The following KIRREL3 variants were observed in gnomAD, a reference collection of about 807,000 sequenced individuals.
KIRREL3 encodes the protein kirre like nephrin family adhesion molecule 3, also known as kin of IRRE-like protein 3.
Under a neutral mutation model 89.7 loss-of-function variants are expected in KIRREL3, and 36 were observed. The ratio of observed to expected loss-of-function variants is 0.40; its 90% CI spans 0.31 to 0.53. KIRREL3 has a LOEUF of 0.53. Ranked by LOEUF, KIRREL3 falls within the 20% of genes least tolerant of loss-of-function variation. The pLI is 0.49. For missense variants in KIRREL3, 864 were observed against 1,056.6 expected (o/e 0.82, Z 2.53); for synonymous variants, 445 against 441.4 (o/e 1.01, Z -0.10).
chr11:126,831,710 T>C (rs146391998), intron 1 of KIRREL3, among the ~76,000 whole-genome samples: 1 of 151,628 alleles, frequency 6.6e-6, no homozygotes, highest in African/African-American at 2.4e-5. Flanking sequence ...ATTTTCTAGT[T>C]TTTTTTTGAA....
At chr11:126,951,867 C>A (rs1037414084) in intron 1 of KIRREL3, among the ~76,000 whole-genome samples, 1 of 152,132 alleles carries the variant, frequency 6.6e-6, no homozygotes, top group African/African-American at 2.4e-5. Context: ...CCTGGAAAAC[C>A]TTTCCACTTT....
At position 126,476,521 on chromosome 11, in the gene KIRREL3, C is replaced by G. The variant is rs572567185; in HGVS notation, c.434-3055G>C. ...CGTGTTGTGGGAGTGCTCAGGCACA[C>G]GCACAGCCACGCACATACATCCACC... On this transcript the variant is annotated intron_variant, in intron 4 of 16. Coordinates refer to ENST00000525144, the MANE Select transcript of KIRREL3 (RefSeq NM_032531.4). This position sits in a 1 kb window ranked among gnomAD's most constrained non-coding sequence, Gnocchi z 6.4. 4.6e-5 allele frequency among the ~76,000 whole-genome samples: 7 copies of G among 152,328 alleles called. No homozygotes were observed. In the South Asian group the frequency reaches 1.5e-3, roughly 32 times the overall value.
In KIRREL3 at chr11:126,883,783, T is replaced by G. The variant is rs183672376; in HGVS notation, c.55+116672A>C. ...TTTCTAAAAGCTACTAAAAAAATGC[T>G]TGTTTGAAATTAAAGATCCAATGTT... On this transcript the variant is annotated intron_variant, in intron 1 of 16. Transcript: ENST00000525144. The surrounding 1 kb of genome is among the most constrained non-coding windows in gnomAD (Gnocchi z 4.1). 3.3e-5 allele frequency among the ~76,000 whole-genome samples: 5 copies of G among 152,294 alleles called. No individual in the cohort carries two copies. Among genetic ancestry groups the G allele is most frequent in the Admixed American group, 2.6e-4 (4 of 15,306 alleles).
rs117115182 is a variant in KIRREL3, at chr11:126,664,455, C to T, written c.56-101543G>A. 6.6e-5 allele frequency among the ~76,000 whole-genome samples: 10 copies of T among 152,248 alleles called. No homozygotes were observed. In the East Asian group the frequency reaches 1.9e-3, roughly 29 times the overall value. ...GAAGCACCTCCTTCCTCCCACCTGC[C>T]TACTCTAAATGAAACAGCTCTGTCA... On this transcript the variant is annotated intron_variant, in intron 1 of 16. Coordinates refer to ENST00000525144, the MANE Select transcript of KIRREL3 (RefSeq NM_032531.4). The surrounding 1 kb of genome is among the most constrained non-coding windows in gnomAD (Gnocchi z 5.4).
At position 126,754,035 on chromosome 11, in the gene KIRREL3, T is replaced by C. The variant is rs912970763; in HGVS notation, c.56-191123A>G. Among the ~76,000 whole-genome samples, 1 of 152,202 alleles carries C rather than the reference T, an allele frequency of 6.6e-6. No homozygotes were observed. Among genetic ancestry groups the C allele is most frequent in the African/African-American group, 2.4e-5 (1 of 41,436 alleles). ...ACTATTTATCATTCTTAGTTAACAA[T>C]GTAAGATACATGATGGCTGCTAAAC... On this transcript the variant is annotated intron_variant, in intron 1 of 16. Coordinates refer to ENST00000525144, the MANE Select transcript of KIRREL3 (RefSeq NM_032531.4). The surrounding 1 kb of genome is among the most constrained non-coding windows in gnomAD (Gnocchi z 5.1).
intron 1 of KIRREL3, chr11:126,935,623 T>A (rs545004958): frequency 6.6e-6 from 1 of 152,268 alleles, no homozygotes; most frequent in African/African-American, 2.4e-5. Flanking sequence ...AAGAAGCCAA[T>A]CTGAAAAGGC....
At chr11:126,945,478 G>C (rs934616806) in intron 1 of KIRREL3, among the ~76,000 whole-genome samples, 1 of 152,096 alleles carries the variant, frequency 6.6e-6, no homozygotes. Flanking sequence ...TGTGGCCTGG[G>C]GCCCTTCAGT....
intron 1 of KIRREL3, among the ~76,000 whole-genome samples, chr11:126,862,681 A>G (rs1446141464): frequency 2.6e-5 from 4 of 152,108 alleles, no homozygotes; most frequent in Non-Finnish European, 5.9e-5. Context: ...CCCAGTCACT[A>G]TCGACTACTC....
chr11:126,590,589 G>T (rs1478798331), intron 1 of KIRREL3, among the ~76,000 whole-genome samples: 2 of 152,240 alleles, frequency 1.3e-5, no homozygotes, highest in South Asian at 4.1e-4. Context: ...TCAGCTAAGT[G>T]GGGGGCTGGA....
chr11:126,935,024 A>G (rs1948121282), intron 1 of KIRREL3: 1 of 149,050 alleles, frequency 6.7e-6, no homozygotes, highest in Admixed American at 6.8e-5. Context: ...TCCAGCTTCC[A>G]GCTTGGGCCA....
intron 1 of KIRREL3, among the ~76,000 whole-genome samples, chr11:126,597,130 C>T (rs994355277): frequency 4.6e-5 from 7 of 152,342 alleles, no homozygotes; most frequent in African/African-American, 7.2e-5. Flanking sequence ...TTTGGAGGGC[C>T]GTTCCCAGCA....
chr11:126,581,169 C>G (rs1272003862), intron 1 of KIRREL3, among the ~76,000 whole-genome samples: 1 of 152,050 alleles, frequency 6.6e-6, no homozygotes, highest in Non-Finnish European at 1.5e-5. Flanking sequence ...TATAATTTTG[C>G]TATAGTTAGT....
At chr11:126,604,597 G>C (rs1400758087) in intron 1 of KIRREL3, among the ~76,000 whole-genome samples, 1 of 152,226 alleles carries the variant, frequency 6.6e-6, no homozygotes, top group East Asian at 1.9e-4. Context: ...TACAGCTGGA[G>C]GGTTCTGATC....
intron 6 of KIRREL3, among the ~76,000 whole-genome samples, chr11:126,458,012 C>T (rs75638719): frequency 2.5e-3 from 380 of 151,992 alleles, no homozygotes; most frequent in Admixed American, 5.3e-3. Context: ...TCCTGGTGGC[C>T]CCCAGGCCTC....
rs73030502 is a variant in KIRREL3, at chr11:126,884,782, C to T, written c.55+115673G>A. 8.0e-3 allele frequency among the ~76,000 whole-genome samples: 1,222 copies of T among 152,154 alleles called. 10 individuals carry two copies. Among genetic ancestry groups the T allele is most frequent in the Admixed American group, 0.012 (191 of 15,296 alleles). The stretch of plus-strand genomic sequence containing the variant: ...TCTCAGAAGCAATGATGTCATCTCT[C>T]GGTGGAGGCTAATGAAGTGGAAAAG... On this transcript the variant is annotated intron_variant, in intron 1 of 16. Coordinates refer to ENST00000525144, the MANE Select transcript of KIRREL3 (RefSeq NM_032531.4).
In KIRREL3 at chr11:126,941,201, G is replaced by A. The variant is rs1043860912; in HGVS notation, c.55+59254C>T. 7.9e-5 allele frequency among the ~76,000 whole-genome samples: 12 copies of A among 151,884 alleles called. 1 individual carries two copies. Among genetic ancestry groups the A allele is most frequent in the Admixed American group, 2.6e-4 (4 of 15,220 alleles). On this transcript the variant is annotated intron_variant, in intron 1 of 16. Coordinates refer to ENST00000525144, the MANE Select transcript of KIRREL3 (RefSeq NM_032531.4). ...AGTCCATTTCCTCTTGTCTCTCAGTGTTAGACTCACCCTCAGCATCATTTT... is the reference window on the plus strand; with the variant it reads ...AGTCCATTTCCTCTTGTCTCTCAGTATTAGACTCACCCTCAGCATCATTTT...
At chr11:126,469,905 C>T (rs963297306) in intron 5 of KIRREL3, among the ~76,000 whole-genome samples, 3 of 152,246 alleles carry the variant, frequency 2.0e-5, no homozygotes, top group African/African-American at 7.2e-5. Context: ...GATCCAACAC[C>T]TTCATTTTGC....
chr11:126,571,069 C>T lies in KIRREL3; in HGVS notation c.56-8157G>A, dbSNP rs187790193. Among the ~76,000 whole-genome samples, 101 of 152,280 alleles carry T rather than the reference C, an allele frequency of 6.6e-4. No individual in the cohort carries two copies. Among genetic ancestry groups the T allele is most frequent in the South Asian group, 8.3e-4 (4 of 4,826 alleles). On this transcript the variant is annotated intron_variant, in intron 1 of 16. Transcript: ENST00000525144. This position sits in a 1 kb window ranked among gnomAD's most constrained non-coding sequence, Gnocchi z 7.7. ...ACAGCTGGCAAATGGTGAGGCTTGCCGTACACCTCCATGTTGGTGCTTGTT... is the reference window on the plus strand; with the variant it reads ...ACAGCTGGCAAATGGTGAGGCTTGCTGTACACCTCCATGTTGGTGCTTGTT...
chr11:126,542,949 T>C (rs1030124333), intron 2 of KIRREL3, among the ~76,000 whole-genome samples: 12 of 152,324 alleles, frequency 7.9e-5, no homozygotes, highest in African/African-American at 2.2e-4. Context: ...CTAACTCCGA[T>C]ACAAAGCACT....
Sources: allele counts gnomAD v4.1 joint callset (sites outside exome capture counted in the v4.1 genomes callset), GRCh38; gene constraint gnomAD v4.1.1; non-coding constraint Gnocchi (gnomAD v3.1); transcripts MANE v1.5; gene names NCBI Gene and HGNC (gene_info 2026-07-23, HGNC 2026-07-21).